AADACL3: variants seen among roughly 807,000 people sequenced by gnomAD.
The protein encoded by AADACL3 is arylacetamide deacetylase like 3.
Under a neutral mutation model 13.6 loss-of-function variants are expected in AADACL3, and 13 were observed. The ratio of observed to expected loss-of-function variants is 0.95; its 90% confidence interval spans 0.62 to 1.52. AADACL3 has a LOEUF of 1.52. AADACL3 is among the 40% of genes most tolerant of loss of function. The pLI, the probability that AADACL3 is intolerant of heterozygous loss-of-function variation, is 0.00. For synonymous variants in AADACL3, 195 were observed against 197.0 expected (o/e 0.99, Z 0.08); for missense variants, 519 against 499.2 (o/e 1.04, Z -0.38).
Position 12,725,692 on chromosome 1 carries a change from T to C in AADACL3, c.920T>C (p.Met307Thr). 1 of 1,614,094 alleles carries C rather than the reference T, an allele frequency of 6.2e-7. No individual in the cohort carries two copies. Among genetic ancestry groups the C allele is most frequent in the Non-Finnish European group, 8.5e-7 (1 of 1,180,022 alleles). Reference protein sequence around the residue: ...RGYQLKPHEPMNEAAYLEVSV... With the variant: ...RGYQLKPHEPTNEAAYLEVSV... ...TACCAACTGAAGCCCCATGAGCCCA[T>C]GAATGAAGCTGCTTACTTGGAAGTA... The change falls in exon 4 of 4, where the codon ATG becomes ACG. Residue 307 changes from methionine (M) to threonine (T), a missense_variant. Physicochemically the swap from Met to Thr is moderately conservative, Grantham distance 81 (BLOSUM62 -1). Transcript: ENST00000359318.
In AADACL3 at chr1:12,725,367, G is replaced by A. The variant is rs1569632557; in HGVS notation, c.595G>A (p.Ala199Thr). ...CGGTGACAGTTTCGGAGGGGCAATA[G>A]CCGCAGTGGTTTGTCAACAACTTGT... ...VCGDSFGGAI[A>T]AVVCQQLVDR... The change falls in exon 4 of 4, where the codon GCC becomes ACC. Residue 199 changes from alanine (A) to threonine (T), a missense_variant. Transcript: ENST00000359318. The A allele has an allele frequency of 6.2e-7, 1 of 1,614,184 alleles. No homozygotes were observed. The highest frequency in any genetic ancestry group is 8.5e-7 in the Non-Finnish European group (1 of 1,180,024).
In AADACL3 at chr1:12,727,431, T is replaced by C. The variant is rs1219630767; in HGVS notation, c.*1435T>C. On this transcript the variant is annotated 3_prime_UTR_variant, in exon 4 of 4. Coordinates refer to ENST00000359318, the MANE Select transcript of AADACL3 (RefSeq NM_001103170.3). ...CAGGGTACGTGAAAGTGGCAAGAGA[T>C]GTCAAGACCACTGGGCAAGTTGGCC... The C allele has an allele frequency of 6.6e-6, 1 of 152,196 alleles. No homozygotes were observed. The highest frequency in any genetic ancestry group is 1.5e-5 in the Non-Finnish European group (1 of 68,046). The allele number at this position is 152,196 out of a possible 1,614,324, so 9.4% of individuals were successfully genotyped here.
chr1:12,724,970 T>A (rs1020009686), intron 3 of AADACL3, among the ~76,000 whole-genome samples: 36 of 117,268 alleles, frequency 3.1e-4, no homozygotes, highest in African/African-American at 1.7e-3. Flanking sequence ...GTGGGTGATA[T>A]TTACATTGTT....
intron 1 of AADACL3, among the ~76,000 whole-genome samples, chr1:12,716,737 G>A (rs1022162276): frequency 9.9e-5 from 15 of 152,190 alleles, no homozygotes; most frequent in African/African-American, 2.6e-4. Context: ...TACCTTTCAC[G>A]TGTCCATAAA....
At chr1:12,721,571 A>G (rs953372597) in intron 3 of AADACL3, among the ~76,000 whole-genome samples, 1 of 152,166 alleles carries the variant, frequency 6.6e-6, no homozygotes, top group East Asian at 1.9e-4. Flanking sequence ...TTTTTTAAGC[A>G]GTTCAGGTGC....
chr1:12,716,403 A>G (rs1648435137), intron 1 of AADACL3, 59 bp downstream of exon 1: 2 of 1,608,142 alleles, frequency 1.2e-6, no homozygotes, highest in African/African-American at 2.7e-5. Flanking sequence ...CGGCAGGAAA[A>G]ATCACACACC....
Position 12,725,342 on chromosome 1 carries a change from C to T in AADACL3, c.570C>T (p.Cys190=), listed in dbSNP as rs184164692. The T allele has an allele frequency of 9.0e-5, 146 of 1,614,068 alleles. No homozygotes were observed. Among genetic ancestry groups the T allele is most frequent in the Non-Finnish European group, 1.2e-4 (138 of 1,180,012 alleles). The part of the protein sequence containing the change: ...YGVDPARVVV[C]GDSFGGAIAA... Reference sequence around the variant, plus strand: ...TGGATCCAGCCCGGGTTGTGGTCTGCGGTGACAGTTTCGGAGGGGCAATAG... The same window carrying T: ...TGGATCCAGCCCGGGTTGTGGTCTGTGGTGACAGTTTCGGAGGGGCAATAG... The change falls in exon 4 of 4, where the codon TGC becomes TGT. Residue 190 remains cysteine (C), a synonymous_variant. Transcript: ENST00000359318.
In AADACL3 at chr1:12,720,869, C is replaced by T. The variant is rs755865972; in HGVS notation, c.386-14C>T. 3.1e-6 allele frequency: 5 copies of T among 1,609,574 alleles called. No homozygotes were observed. Among genetic ancestry groups the T allele is most frequent in the South Asian group, 1.1e-5 (1 of 90,982 alleles). ...AGCCTTCCTAGTGAATCTTAAAAAC[C>T]ATTTATTTTCTAGAAACCCACCATG... On this transcript the variant is annotated splice_polypyrimidine_tract_variant and intron_variant, in intron 2 of 3. Coordinates refer to ENST00000359318, the MANE Select transcript of AADACL3 (RefSeq NM_001103170.3).
intron 3 of AADACL3, among the ~76,000 whole-genome samples, chr1:12,722,326 GAA>G (rs564374343): frequency 0.06 from 4,409 of 73,542 alleles, 64 homozygotes; most frequent in Middle Eastern, 0.086. Context: ...GATTCCGTCT[GAA>G]AAAAAAAAAA....
chr1:12,716,570 A>T (rs190975900), intron 1 of AADACL3, among the ~76,000 whole-genome samples: 248 of 152,318 alleles, frequency 1.6e-3, no homozygotes, highest in African/African-American at 5.7e-3. Flanking sequence ...TCAAAGAATG[A>T]TCTGCTTTCT....
intron 3 of AADACL3, among the ~76,000 whole-genome samples, chr1:12,724,401 T>C (rs1185837700): frequency 1.3e-5 from 2 of 152,138 alleles, no homozygotes; most frequent in Non-Finnish European, 1.5e-5. Context: ...ACACAAACAG[T>C]AGTAGCCCAG....
Position 12,721,339 on chromosome 1 carries a change from T to G in AADACL3, c.449+393T>G, listed in dbSNP as rs368203786. Among the ~76,000 whole-genome samples the G allele has an allele frequency of 5.7e-4, 87 of 152,226 alleles. 2 individuals carry two copies. The highest frequency in any genetic ancestry group is 1.9e-3 in the African/African-American group (80 of 41,536). ...AGCACCTGAGCCTGGGAGGTTGCAGTGAGCCGTGATTGCGCCACTACACTC... is the reference window on the plus strand; with the variant it reads ...AGCACCTGAGCCTGGGAGGTTGCAGGGAGCCGTGATTGCGCCACTACACTC... On this transcript the variant is annotated intron_variant, in intron 3 of 3. Transcript: ENST00000359318.
intron 3 of AADACL3, among the ~76,000 whole-genome samples, 195 bp downstream of exon 3, chr1:12,721,141 G>T (rs1374825849): frequency 6.6e-6 from 1 of 152,142 alleles, no homozygotes; most frequent in African/African-American, 2.4e-5. Context: ...GGTGGCTCAC[G>T]CCTGTAATCC....
Position 12,726,076 on chromosome 1 carries a change from AG to A in AADACL3, c.*82del. ...CCACAGGGCTCTCTGTTGCTGATTT[AG>A]GTGGTGCATAGTGGGGCTAGGGAGG... On this transcript the variant is annotated 3_prime_UTR_variant, in exon 4 of 4. Coordinates refer to ENST00000359318, the MANE Select transcript of AADACL3 (RefSeq NM_001103170.3). The A allele has an allele frequency of 6.7e-7, 1 of 1,490,992 alleles. No individual in the cohort carries two copies. The highest frequency in any genetic ancestry group is 9.0e-7 in the Non-Finnish European group (1 of 1,108,036). 92.4% of individuals were successfully genotyped at this position (1,490,992 alleles called of 1,614,324 possible).
At chr1:12,719,178 G>A (rs563842158) in intron 1 of AADACL3, among the ~76,000 whole-genome samples, 1 of 152,294 alleles carries the variant, frequency 6.6e-6, no homozygotes, top group East Asian at 1.9e-4. Context: ...GGTGTTGCAA[G>A]TAGAGGGACC....
In AADACL3 at chr1:12,719,664, G is replaced by A. The variant is rs200874855; in HGVS notation, c.358G>A (p.Gly120Ser). Reference sequence around the variant, plus strand: ...GAAGCCTGGCATCGTGTACTACCACGGTGGCGGGGGCGTCATGGGGAGTTT... The same window carrying A: ...GAAGCCTGGCATCGTGTACTACCACAGTGGCGGGGGCGTCATGGGGAGTTT... ...TLKPGIVYYH[G>S]GGGVMGSLKT... Residue 120 changes from glycine (G) to serine (S), a missense_variant, in exon 2 of 4, where the codon GGT (glycine) becomes AGT (serine). Gly to Ser is a moderately conservative substitution (Grantham distance 56). Coordinates refer to ENST00000359318, the MANE Select transcript of AADACL3 (RefSeq NM_001103170.3). 1.3e-5 allele frequency: 21 copies of A among 1,614,124 alleles called. No homozygotes were observed. The highest frequency in any genetic ancestry group is 2.2e-5 in the East Asian group (1 of 44,886).
chr1:12,718,309 G>T (rs1398921117), intron 1 of AADACL3, among the ~76,000 whole-genome samples: 2 of 144,722 alleles, frequency 1.4e-5, no homozygotes, highest in Non-Finnish European at 3.0e-5. Context: ...GACTGTTTGA[G>T]TCCAGGAGTT....
intron 1 of AADACL3, among the ~76,000 whole-genome samples, chr1:12,716,566 A>G (rs1453501394): frequency 6.6e-6 from 1 of 152,188 alleles, no homozygotes; most frequent in African/African-American, 2.4e-5. Flanking sequence ...AAATTCAAAG[A>G]ATGATCTGCT....
rs1271451489 is a variant in AADACL3, at chr1:12,724,697, G to C, written c.450-525G>C. ...GGTGGGGTCTCACCATGTTGCCCAG[G>C]CTGGGCTTGAACTCTTGGACTCAAT... On this transcript the variant is annotated intron_variant, in intron 3 of 3. Transcript: ENST00000359318. 3.3e-5 allele frequency among the ~76,000 whole-genome samples: 5 copies of C among 152,244 alleles called. No homozygotes were observed. In the East Asian group the frequency reaches 9.7e-4, roughly 29 times the overall value.
Sources: allele counts gnomAD v4.1 joint callset (sites outside exome capture counted in the v4.1 genomes callset), GRCh38; gene constraint gnomAD v4.1.1; transcripts MANE v1.5; gene names NCBI Gene and HGNC (gene_info 2026-07-23, HGNC 2026-07-21).